CSMD1: variants seen among roughly 807,000 people sequenced by gnomAD.
The protein encoded by CSMD1 is CUB and sushi domain-containing protein 1.
CSMD1 carries 213 observed loss-of-function variants against 417.5 expected under a neutral mutation model. The ratio of observed to expected loss-of-function variants is 0.51; its 90% CI spans 0.46 to 0.57. The LOEUF is 0.57. Among genes scored for constraint, CSMD1 ranks in the 20% least tolerant of loss-of-function variants. The pLI is 0.00. For synonymous variants in CSMD1, 2,862 were observed against 1,736.8 expected (o/e 1.65, Z -16.11); for missense variants, 6,923 against 4,529.7 (o/e 1.53, Z -15.17).
At chr8:3,934,961 A>C (rs1810383169) in intron 5 of CSMD1, among the ~76,000 whole-genome samples, 2 of 152,190 alleles carry the variant, frequency 1.3e-5, no homozygotes, top group Non-Finnish European at 2.9e-5. Flanking sequence ...TTTACAAAAA[A>C]CTAACCAGGC....
intron 7 of CSMD1, among the ~76,000 whole-genome samples, chr8:3,699,592 G>A (rs1585095658): frequency 6.6e-6 from 1 of 152,122 alleles, no homozygotes; most frequent in African/African-American, 2.4e-5. Context: ...TTGAAAGATA[G>A]TGAATTTCCA....
At chr8:4,793,053 T>C (rs1797778791) in intron 1 of CSMD1, among the ~76,000 whole-genome samples, 1 of 151,970 alleles carries the variant, frequency 6.6e-6, no homozygotes, top group African/African-American at 2.4e-5. Flanking sequence ...TAATTTGACA[T>C]TCAAACATCC....
At chr8:4,774,244 C>T (rs143487425) in intron 1 of CSMD1, among the ~76,000 whole-genome samples, 14 of 152,188 alleles carry the variant, frequency 9.2e-5, no homozygotes, top group African/African-American at 3.1e-4. Context: ...TTTAAATAGA[C>T]AGCATTTGCG....
At chr8:3,530,422 G>C (rs767262503) in intron 10 of CSMD1, among the ~76,000 whole-genome samples, 4 of 152,148 alleles carry the variant, frequency 2.6e-5, no homozygotes, top group Non-Finnish European at 5.9e-5. Context: ...TCTAATGATT[G>C]TTTAGGTGTG....
At chr8:4,126,331 C>A (rs1395279928) in intron 3 of CSMD1, among the ~76,000 whole-genome samples, 3 of 152,200 alleles carry the variant, frequency 2.0e-5, no homozygotes, top group African/African-American at 4.8e-5. Flanking sequence ...GGGCAGGGGG[C>A]AAGGTGAACC....
At chr8:3,336,060 C>G (rs1807241549) in intron 23 of CSMD1, among the ~76,000 whole-genome samples, 1 of 152,162 alleles carries the variant, frequency 6.6e-6, no homozygotes, top group Non-Finnish European at 1.5e-5. Flanking sequence ...GTACAAAGTG[C>G]TTTGAGTAAC....
chr8:4,721,621 G>C (rs1057401598), intron 1 of CSMD1, among the ~76,000 whole-genome samples: 7 of 152,260 alleles, frequency 4.6e-5, no homozygotes, highest in African/African-American at 1.7e-4. Context: ...ATATAGATTG[G>C]TATAGCCAAT....
chr8:4,328,698 G>A (rs1464239102), intron 3 of CSMD1, among the ~76,000 whole-genome samples: 1 of 152,118 alleles, frequency 6.6e-6, no homozygotes, highest in East Asian at 1.9e-4. Flanking sequence ...ACTAGGAAGT[G>A]CTTTATTAGC....
intron 6 of CSMD1, among the ~76,000 whole-genome samples, chr8:3,712,303 A>G (rs1416130432): frequency 6.6e-6 from 1 of 151,602 alleles, no homozygotes; most frequent in Non-Finnish European, 1.5e-5. Flanking sequence ...TTCCTTCCAC[A>G]CCCTTCCCTC....
At chr8:4,657,527 G>C (rs1031270126) in intron 1 of CSMD1, among the ~76,000 whole-genome samples, 2 of 151,898 alleles carry the variant, frequency 1.3e-5, no homozygotes, top group African/African-American at 2.4e-5. Context: ...AACAAACATA[G>C]AAAAGAATAT....
Position 3,064,898 on chromosome 8 carries a change from T to C in CSMD1, c.7475-12251A>G, listed in dbSNP as rs188504143. On this transcript the variant is annotated intron_variant, in intron 49 of 69. Transcript: ENST00000635120. ...ATCAAGGACCAAAAATCTTTTTTTTTCCTTTTATTCCCAGGGTATAAGCAA... is the reference window on the plus strand; with the variant it reads ...ATCAAGGACCAAAAATCTTTTTTTTCCCTTTTATTCCCAGGGTATAAGCAA... Among the ~76,000 whole-genome samples, 201 of 151,788 alleles carry C rather than the reference T, an allele frequency of 1.3e-3. 1 individual carries two copies. The highest frequency in any genetic ancestry group is 0.01 in the Middle Eastern group (3 of 294).
chr8:4,939,329 G>A (rs944473801), intron 1 of CSMD1, among the ~76,000 whole-genome samples: 12 of 152,142 alleles, frequency 7.9e-5, no homozygotes, highest in African/African-American at 1.9e-4. Flanking sequence ...TCCATATGTC[G>A]AGGCGGTATC....
At chr8:3,491,184 G>C (rs1049770125) in intron 11 of CSMD1, among the ~76,000 whole-genome samples, 2 of 152,130 alleles carry the variant, frequency 1.3e-5, no homozygotes, top group Non-Finnish European at 2.9e-5. Flanking sequence ...AAGGGAACCA[G>C]GTAAAAAGCA....
intron 22 of CSMD1, 82 bp from the exon 23 acceptor site, chr8:3,343,532 T>A: frequency 8.0e-7 from 1 of 1,246,732 alleles, no homozygotes; most frequent in East Asian, 2.5e-5. Flanking sequence ...ATCCAAATCT[T>A]CAAAGATGCA....
intron 1 of CSMD1, among the ~76,000 whole-genome samples, chr8:4,941,026 C>G (rs545912239): frequency 1.3e-5 from 2 of 152,256 alleles, no homozygotes; most frequent in East Asian, 3.9e-4. Flanking sequence ...GAGGAACAAT[C>G]TACACTTTTC....
intron 5 of CSMD1, among the ~76,000 whole-genome samples, chr8:3,978,981 G>A (rs576420410): frequency 2.0e-5 from 3 of 152,310 alleles, no homozygotes; most frequent in Non-Finnish European, 4.4e-5. Context: ...CTAGAAGCTT[G>A]CATTTTACAA....
chr8:4,104,992 T>A (rs1031553473), intron 3 of CSMD1, among the ~76,000 whole-genome samples: 1 of 150,736 alleles, frequency 6.6e-6, no homozygotes, highest in Non-Finnish European at 1.5e-5. Flanking sequence ...AGTTTCACAT[T>A]AAAAAAAAAG....
At chr8:3,976,300 AT>A (rs112062241) in intron 5 of CSMD1, among the ~76,000 whole-genome samples, 9,550 of 152,194 alleles carry the variant, frequency 0.063, 557 homozygotes, top group African/African-American at 0.14. Flanking sequence ...TATACTTATC[AT>A]TTTTTTCTCA....
intron 3 of CSMD1, among the ~76,000 whole-genome samples, chr8:4,169,646 C>T (rs757905167): frequency 6.6e-5 from 10 of 152,140 alleles, no homozygotes; most frequent in Non-Finnish European, 1.3e-4. Flanking sequence ...GCTGCAGGGA[C>T]GCCATGAGAG....
Sources: gnomAD v4.1 joint callset for allele counts (sites outside exome capture counted in the v4.1 genomes callset) on GRCh38, gnomAD v4.1.1 for gene constraint, MANE v1.5 for transcripts, NCBI Gene and HGNC (gene_info 2026-07-23, HGNC 2026-07-21) for gene names.